CIART: variants seen among roughly 807,000 people sequenced by gnomAD.
The protein encoded by CIART is circadian-associated transcriptional repressor.
CIART carries 7 observed loss-of-function variants against 22.1 expected under a neutral mutation model. The ratio of observed to expected loss-of-function variants is 0.32; its 90% confidence interval spans 0.18 to 0.59. CIART has a LOEUF of 0.59. Ranked by LOEUF, CIART falls within the 20% of genes least tolerant of loss-of-function variation. The probability of loss-of-function intolerance (pLI) is 0.86; values close to 1 mark genes in which losing one functional copy is unlikely to be tolerated. For missense variants in CIART, 440 were observed against 478.0 expected (o/e 0.92, Z 0.74); for synonymous variants, 163 against 174.6 (o/e 0.93, Z 0.53).
rs1653293697 is a variant in CIART, at chr1:150,283,688, G to GT, written c.366+57dup. The GT allele has an allele frequency of 3.3e-5, 53 of 1,588,482 alleles. No individual in the cohort carries two copies. In the South Asian group the frequency reaches 5.9e-4, roughly 18 times the overall value. On this transcript the variant is annotated intron_variant, in intron 1 of 4. Transcript: ENST00000290363. ...CCTGGAGTGCCTTAGCACCCAGCTG[G>GT]TTGATAAGGACCCTGTGAGGACAGT...
intron 4 of CIART, among the ~76,000 whole-genome samples, chr1:150,285,947 C>T (rs899168290): frequency 8.5e-5 from 13 of 152,132 alleles, no homozygotes; most frequent in South Asian, 2.1e-4. Context: ...GTGCCAGCCT[C>T]GTTGACAGAG....
chr1:150,285,985 T>A (rs1653466149), intron 4 of CIART, among the ~76,000 whole-genome samples: 1 of 152,022 alleles, frequency 6.6e-6, no homozygotes, highest in African/African-American at 2.4e-5. Flanking sequence ...TATAAAATTT[T>A]AAAAAAACAG....
chr1:150,283,748 A>C, intron 1 of CIART, 57 bp from the exon 2 acceptor site: 1 of 1,549,720 alleles, frequency 6.5e-7, no homozygotes, highest in Non-Finnish European at 8.9e-7. Flanking sequence ...AGGAAGAGCC[A>C]CTGCTGGTGT....
chr1:150,283,364 G>C lies in CIART; in HGVS notation c.97G>C (p.Asp33His), dbSNP rs1460700956. ...PVNSDFGFPS[D>H]SEREDKGAHG... The stretch of plus-strand genomic sequence containing the variant: ...GAACAGTGACTTTGGCTTCCCCTCT[G>C]ATAGTGAGAGGGAGGACAAGGGGGC... The change falls in exon 1 of 5, where the codon GAT (aspartate) becomes CAT (histidine). Residue 33 changes from aspartate to histidine, a missense_variant. Transcript: ENST00000290363. 2 of 1,596,250 alleles carry C rather than the reference G, an allele frequency of 1.3e-6. No individual in the cohort carries two copies.
chr1:150,283,650 GAAA>G lies in CIART; in HGVS notation c.366+18_366+20del. ...GCCCAGAAGGTAAGAGAAAGCAGGTGAAAGGAGATTCTCCTGGAGTGCCTTAGC... is the reference window on the plus strand; with the variant it reads ...GCCCAGAAGGTAAGAGAAAGCAGGTGGGAGATTCTCCTGGAGTGCCTTAGC... On this transcript the variant is annotated intron_variant, in intron 1 of 4. Transcript: ENST00000290363. 1 of 1,611,762 alleles carries G rather than the reference GAAA, an allele frequency of 6.2e-7. No homozygotes were observed. The highest frequency in any genetic ancestry group is 1.1e-5 in the South Asian group (1 of 90,928).
Position 150,286,687 on chromosome 1 carries a change from G to A in CIART, c.891G>A (p.Gln297=). ...GTGIGVILFL[Q]HGVQPFTHSA... ...GCATTGGCGTCATTCTTTTCCTCCA[G>A]CATGGAGTGCAACCCTTCACCCACT... is the stretch of plus-strand genomic sequence containing the variant. The change falls in exon 5 of 5, where the codon CAG becomes CAA. Residue 297 remains glutamine (Q), a synonymous_variant. Coordinates refer to ENST00000290363, the MANE Select transcript of CIART (RefSeq NM_144697.4). The A allele has an allele frequency of 1.2e-6, 2 of 1,614,074 alleles. No individual in the cohort carries two copies. The highest frequency in any genetic ancestry group is 1.7e-6 in the Non-Finnish European group (2 of 1,180,000).
In CIART at chr1:150,286,887, T is replaced by C. The variant is rs377604128; in HGVS notation, c.1091T>C (p.Ile364Thr). The change falls in exon 5 of 5, where the codon ATA (isoleucine) becomes ACA (threonine). Residue 364 changes from isoleucine to threonine, a missense_variant. Coordinates refer to ENST00000290363, the MANE Select transcript of CIART (RefSeq NM_144697.4). Reference sequence around the variant, plus strand: ...CCCACCTTGGCCAGAAAGATGACCATAGGACACCGGGAGCAGCAGAGAAGC... The same window carrying C: ...CCCACCTTGGCCAGAAAGATGACCACAGGACACCGGGAGCAGCAGAGAAGC... ...SLPTLARKMT[I>T]GHREQQRSHP... 22 of 1,610,732 alleles carry C rather than the reference T, an allele frequency of 1.4e-5. No individual in the cohort carries two copies. Among genetic ancestry groups the C allele is most frequent in the East Asian group, 2.2e-5 (1 of 44,860 alleles).
Position 150,283,560 on chromosome 1 carries a change from G to A in CIART, c.293G>A (p.Arg98Lys). 2 of 1,614,214 alleles carry A rather than the reference G, an allele frequency of 1.2e-6. No homozygotes were observed. Among genetic ancestry groups the A allele is most frequent in the Non-Finnish European group, 1.7e-6 (2 of 1,180,000 alleles). The change falls in exon 1 of 5, where the codon AGA becomes AAA. Residue 98 changes from arginine to lysine, a missense_variant. Physicochemically the swap from Arg to Lys is conservative, Grantham distance 26. Transcript: ENST00000290363. ...PMAGSGAKRSRDGELETSLNT... is the reference protein window; with the variant it reads ...PMAGSGAKRSKDGELETSLNT... ...GCAGGATCTGGGGCGAAAAGATCAA[G>A]AGATGGTGAACTGGAGACCAGTCTA... is the stretch of plus-strand genomic sequence containing the variant.
Position 150,284,614 on chromosome 1 carries a change from C to T in CIART, c.539C>T (p.Thr180Ile). The change falls in exon 4 of 5, where the codon ACC (threonine) becomes ATC (isoleucine). Residue 180 changes from threonine to isoleucine, a missense_variant. Physicochemically the swap from Thr to Ile is moderately conservative, Grantham distance 89. Coordinates refer to ENST00000290363, the MANE Select transcript of CIART (RefSeq NM_144697.4). ...TTTCACAGGGAACGTTACCTAGGAA[C>T]CTTGCTACAGGTAGAAGGGATGTTA... Reference protein sequence around the residue: ...KPQMGERYLGTLLQVEGMLKT... With the variant: ...KPQMGERYLGILLQVEGMLKT... The T allele has an allele frequency of 1.2e-6, 2 of 1,613,260 alleles. No individual in the cohort carries two copies. Among genetic ancestry groups the T allele is most frequent in the African/African-American group, 1.3e-5 (1 of 74,968 alleles).
Position 150,283,131 on chromosome 1 carries a change from C to A in CIART, c.-137C>A. ...GAGGGGGAGAACAAGTATTATCCCA[C>A]GCAGTACACCCCAATCTCCCAGTTC... On this transcript the variant is annotated 5_prime_UTR_variant, in exon 1 of 5. Transcript: ENST00000290363. 1.1e-6 allele frequency: 1 copy of A among 877,938 alleles called. No homozygotes were observed. The highest frequency in any genetic ancestry group is 1.7e-6 in the Non-Finnish European group (1 of 600,542). 54.4% of individuals were successfully genotyped at this position (877,938 alleles called of 1,614,324 possible). A position where few individuals can be genotyped will look rare whatever the true frequency, so the allele number is the denominator to read the frequency against.
rs1553854805 is a variant in CIART at position 150,286,884 on chromosome 1, C to A, written c.1088C>A (p.Thr363Asn). ...CTACCCACCTTGGCCAGAAAGATGA[C>A]CATAGGACACCGGGAGCAGCAGAGA... ...PSLPTLARKM[T>N]IGHREQQRSH... Residue 363 changes from threonine to asparagine, a missense_variant, in exon 5 of 5, where the codon ACC becomes AAC. Physicochemically the swap from Thr to Asn is moderately conservative, Grantham distance 65 (BLOSUM62 0). Transcript: ENST00000290363. 3 of 1,610,674 alleles carry A rather than the reference C, an allele frequency of 1.9e-6. No individual in the cohort carries two copies. The highest frequency in any genetic ancestry group is 3.4e-5 in the Admixed American group (2 of 59,640).
intron 4 of CIART, 82 bp from the exon 5 acceptor site, chr1:150,286,348 A>G (rs1553854600): frequency 8.0e-7 from 1 of 1,256,250 alleles, no homozygotes; most frequent in Non-Finnish European, 1.1e-6. Context: ...TTCCCAAGGA[A>G]TGCAAAGGTT....
intron 4 of CIART, chr1:150,285,102 G>T: frequency 4.1e-6 from 1 of 243,176 alleles, no homozygotes; most frequent in South Asian, 4.8e-5. Context: ...TTCTGCCCAC[G>T]TATCCTTGTG....
chr1:150,283,248 T>TA lies in CIART; in HGVS notation c.-19dup. The TA allele has an allele frequency of 3.3e-6, 5 of 1,510,740 alleles. No homozygotes were observed. Among genetic ancestry groups the TA allele is most frequent in the Non-Finnish European group, 4.4e-6 (5 of 1,129,880 alleles). The allele number at this position is 1,510,740 out of a possible 1,614,324, so 93.6% of individuals were successfully genotyped here. A position where few individuals can be genotyped will look rare whatever the true frequency, so the allele number is the denominator to read the frequency against. ...TTTGGGTACTCCAGGAGCTGTTCTA[T>TA]AGCCCCTGCTTCTGGACCTATGGAT... On this transcript the variant is annotated 5_prime_UTR_variant, in exon 1 of 5. Coordinates refer to ENST00000290363, the MANE Select transcript of CIART (RefSeq NM_144697.4).
Position 150,283,824 on chromosome 1 carries a change from T to G in CIART, c.386T>G (p.Phe129Cys), listed in dbSNP as rs1653304756. ...CTACAGTGTAAAGAACTCCAAGGATTTATACCTCCTCTCACAGACCTACTC... is the reference window on the plus strand; with the variant it reads ...CTACAGTGTAAAGAACTCCAAGGATGTATACCTCCTCTCACAGACCTACTC... ...FAQKCKELQG[F>C]IPPLTDLLNG... Residue 129 changes from phenylalanine to cysteine, a missense_variant, in exon 2 of 5, where the codon TTT (phenylalanine) becomes TGT (cysteine). Phe to Cys is a radical substitution (Grantham distance 205, BLOSUM62 -2). Transcript: ENST00000290363. 1.3e-6 allele frequency: 2 copies of G among 1,596,410 alleles called. No homozygotes were observed. The highest frequency in any genetic ancestry group is 1.7e-6 in the Non-Finnish European group (2 of 1,164,240).
rs782573429 is a variant in CIART at position 150,286,846 on chromosome 1, A to G, written c.1050A>G (p.Leu350=). The G allele has an allele frequency of 3.7e-6, 6 of 1,612,942 alleles. No individual in the cohort carries two copies. The highest frequency in any genetic ancestry group is 2.2e-5 in the East Asian group (1 of 44,884). The change falls in exon 5 of 5, where the codon CTA becomes CTG. Residue 350 remains leucine (L), a synonymous_variant. Transcript: ENST00000290363. ...TGCCATCAGACTGGAGCTATACCCT[A>G]TCCCCTCCCAGTCTACCCACCTTGG... ...VTLPSDWSYT[L]SPPSLPTLAR...
chr1:150,283,540 A>C lies in CIART; in HGVS notation c.273A>C (p.Gly91=), dbSNP rs200664734. 19 of 1,614,206 alleles carry C rather than the reference A, an allele frequency of 1.2e-5. No homozygotes were observed. The highest frequency in any genetic ancestry group is 1.4e-5 in the Non-Finnish European group (16 of 1,180,030). The part of the protein sequence containing the change: ...KQRGSASPMA[G]SGAKRSRDGE... Reference sequence around the variant, plus strand: ...GGGGTTCGGCTTCTCCTATGGCAGGATCTGGGGCGAAAAGATCAAGAGATG... The same window carrying C: ...GGGGTTCGGCTTCTCCTATGGCAGGCTCTGGGGCGAAAAGATCAAGAGATG... The change falls in exon 1 of 5, where the codon GGA becomes GGC. Residue 91 remains glycine, a synonymous_variant. Transcript: ENST00000290363.
rs139391722 is a variant in CIART at position 150,286,938 on chromosome 1, A to C, written c.1142A>C (p.His381Pro). The change falls in exon 5 of 5, where the codon CAT (histidine) becomes CCT (proline). Residue 381 changes from histidine to proline, a missense_variant. Coordinates refer to ENST00000290363, the MANE Select transcript of CIART (RefSeq NM_144697.4). ...CATCCTCCAGTTGCTGCTGATGCTC[A>C]TCTTCTCAACCTCTAGCCCAGGGCA... is the stretch of plus-strand genomic sequence containing the variant. ...RSHPPVAADAHLLNL is the reference protein window; with the variant it reads ...RSHPPVAADAPLLNL The C allele has an allele frequency of 1.3e-4, 205 of 1,580,942 alleles. No individual in the cohort carries two copies. The highest frequency in any genetic ancestry group is 2.2e-5 in the Non-Finnish European group (25 of 1,161,038).
At position 150,283,381 on chromosome 1, in the gene CIART, C is replaced by T; in HGVS notation, c.114C>T (p.Asp38=). 7 of 1,606,264 alleles carry T rather than the reference C, an allele frequency of 4.4e-6. No homozygotes were observed. Among genetic ancestry groups the T allele is most frequent in the Non-Finnish European group, 6.0e-6 (7 of 1,175,194 alleles). Residue 38 remains aspartate, a synonymous_variant, in exon 1 of 5, where the codon GAC becomes GAT. Coordinates refer to ENST00000290363, the MANE Select transcript of CIART (RefSeq NM_144697.4). ...FGFPSDSERE[D]KGAHGPRPDT... ...TCCCCTCTGATAGTGAGAGGGAGGA[C>T]AAGGGGGCCCATGGGCCCAGGCCAG...
Sources: allele counts gnomAD v4.1 joint callset (sites outside exome capture counted in the v4.1 genomes callset), GRCh38; gene constraint gnomAD v4.1.1; transcripts MANE v1.5; gene names NCBI Gene and HGNC (gene_info 2026-07-23, HGNC 2026-07-21).